Variants in CCDC171 observed in about 807,000 individuals in gnomAD.
CCDC171 encodes the protein coiled-coil domain-containing protein 171.
Under a neutral mutation model 168.2 loss-of-function variants are expected in CCDC171, and 177 were observed. The ratio of observed to expected loss-of-function variants is 1.05; its 90% CI spans 0.93 to 1.19. The LOEUF (loss-of-function observed/expected upper bound fraction) is 1.19, where lower values mean the gene tolerates loss of function less well. Among genes scored for constraint, CCDC171 ranks in the 50% most tolerant of loss-of-function variants. The probability of loss-of-function intolerance (pLI) is 0.00; values close to 1 mark genes in which losing one functional copy is unlikely to be tolerated. For synonymous variants in CCDC171, 687 were observed against 540.8 expected, an observed-to-expected ratio of 1.27 and a Z score of -3.75; for missense variants, 1,991 against 1,539.0, an observed-to-expected ratio of 1.29 and a Z score of -4.91.
chr9:16,002,168 A>C, intron 3 of CCDC171, among the ~76,000 whole-genome samples: 1 of 114,126 alleles, frequency 8.8e-6, no homozygotes, highest in Non-Finnish European at 1.9e-5. Flanking sequence ...CTGTTATTTT[A>C]GAATGTACTC....
At chr9:16,101,151 C>A in the CCDC171 span, among the ~76,000 whole-genome samples, 2 of 152,156 alleles carry the variant, frequency 1.3e-5, no homozygotes, top group African/African-American at 4.8e-5. Flanking sequence ...CTGCTTCTTG[C>A]TACACAAAGG....
chr9:16,102,716 C>G, the CCDC171 span, among the ~76,000 whole-genome samples: 1 of 152,154 alleles, frequency 6.6e-6, no homozygotes, highest in African/African-American at 2.4e-5. Context: ...CCCCTAAATT[C>G]ACTTTCCAAC....
At chr9:15,657,585 A>G (rs1373393028) in intron 8 of CCDC171, among the ~76,000 whole-genome samples, 1 of 152,100 alleles carries the variant, frequency 6.6e-6, no homozygotes. Context: ...TCTTTTTGAG[A>G]ACGTTGAAAA....
intron 10 of CCDC171, among the ~76,000 whole-genome samples, chr9:15,694,860 G>A (rs533068116): frequency 6.6e-6 from 1 of 152,278 alleles, no homozygotes; most frequent in African/African-American, 2.4e-5. Flanking sequence ...CTGCCATCTG[G>A]CAACTTGCCA....
At chr9:15,734,070 C>T (rs539251795) in intron 16 of CCDC171, among the ~76,000 whole-genome samples, 18 of 152,274 alleles carry the variant, frequency 1.2e-4, no homozygotes, top group Admixed American at 3.3e-4. Context: ...CCACTGTACC[C>T]AGCTGCAGTT....
At chr9:15,587,823 A>G (rs1049376336) in intron 4 of CCDC171, 2 of 264,256 alleles carry the variant, frequency 7.6e-6, no homozygotes, top group African/African-American at 2.2e-5. Context: ...CTTAGAAGAA[A>G]CAGAGGCTCT....
intron 3 of CCDC171, among the ~76,000 whole-genome samples, chr9:16,012,308 T>C (rs1376014461): frequency 6.6e-6 from 1 of 151,984 alleles, no homozygotes; most frequent in East Asian, 1.9e-4. Context: ...TGTGTAGGGA[T>C]CTATCTGGGC....
chr9:15,781,692 T>A (rs2057675950), intron 20 of CCDC171, among the ~76,000 whole-genome samples: 1 of 152,162 alleles, frequency 6.6e-6, no homozygotes, highest in Non-Finnish European at 1.5e-5. Flanking sequence ...GGATTACAGA[T>A]GTGAGCCACC....
intron 21 of CCDC171, among the ~76,000 whole-genome samples, chr9:15,799,953 C>G (rs545027552): frequency 2.0e-5 from 3 of 152,078 alleles, no homozygotes; most frequent in African/African-American, 7.2e-5. Flanking sequence ...ATGACAAGAT[C>G]TCATTCTCTC....
chr9:16,036,304 G>T (rs950651755), intron 8 of CCDC171: 4 of 152,228 alleles, frequency 2.6e-5, no homozygotes, highest in African/African-American at 9.6e-5. Context: ...TGGTTTCCAT[G>T]ATGGCCCAAG....
chr9:15,591,133 G>T (rs545006660), intron 4 of CCDC171, among the ~76,000 whole-genome samples: 41 of 152,192 alleles, frequency 2.7e-4, no homozygotes, highest in African/African-American at 9.2e-4. Context: ...AATCATCATT[G>T]TCTGAAGGGG....
At chr9:15,709,935 T>G (rs2052534111) in intron 11 of CCDC171, among the ~76,000 whole-genome samples, 1 of 152,260 alleles carries the variant, frequency 6.6e-6, no homozygotes, top group South Asian at 2.1e-4. Context: ...ATTTATCAAC[T>G]TAAGAACCAA....
chr9:16,050,645 C>T (rs1037518435), intron 1 of CCDC171, among the ~76,000 whole-genome samples: 1 of 152,182 alleles, frequency 6.6e-6, no homozygotes, highest in African/African-American at 2.4e-5. Flanking sequence ...TTTGACACCA[C>T]AAAAGTGCAT....
chr9:16,006,092 C>T (rs761902456), intron 3 of CCDC171, among the ~76,000 whole-genome samples: 27 of 152,042 alleles, frequency 1.8e-4, no homozygotes, highest in Non-Finnish European at 3.4e-4. Context: ...GAACTCCTGA[C>T]CTCAGGTGAT....
At chr9:15,993,939 A>G (rs1832289329) in intron 3 of CCDC171, among the ~76,000 whole-genome samples, 1 of 152,218 alleles carries the variant, frequency 6.6e-6, no homozygotes, top group African/African-American at 2.4e-5. Context: ...AGGAAATAAC[A>G]GGTGATGGAT....
At chr9:15,825,010 G>A (rs980136437) in intron 21 of CCDC171, among the ~76,000 whole-genome samples, 6 of 152,066 alleles carry the variant, frequency 3.9e-5, no homozygotes, top group Non-Finnish European at 8.8e-5. Flanking sequence ...GATGGAAGGA[G>A]TTTTTACTTT....
chr9:15,988,575 G>A (rs991963563), intron 3 of CCDC171, among the ~76,000 whole-genome samples: 1 of 152,174 alleles, frequency 6.6e-6, no homozygotes, highest in Non-Finnish European at 1.5e-5. Context: ...CAGACAGTGG[G>A]GGTAGGACAG....
chr9:15,828,475 A>G (rs1303350212), intron 21 of CCDC171, among the ~76,000 whole-genome samples: 1 of 152,200 alleles, frequency 6.6e-6, no homozygotes, highest in Non-Finnish European at 1.5e-5. Flanking sequence ...TGCTTATTGT[A>G]TATTTTTAGA....
At chr9:15,990,513 A>G (rs373207981) in intron 3 of CCDC171, among the ~76,000 whole-genome samples, 6 of 152,166 alleles carry the variant, frequency 3.9e-5, no homozygotes, top group Non-Finnish European at 1.5e-5. Context: ...AGAAACTGCA[A>G]CAACTAACGA....
Sources: allele counts gnomAD v4.1 joint callset (sites outside exome capture counted in the v4.1 genomes callset), GRCh38; gene constraint gnomAD v4.1.1; transcripts MANE v1.5; gene names NCBI Gene and HGNC (gene_info 2026-07-23, HGNC 2026-07-21).